Variants in GPC6 observed in about 807,000 individuals in gnomAD.
GPC6 encodes the protein glypican 6.
GPC6 carries 14 observed loss-of-function variants against 55.2 expected under a neutral mutation model. That is an observed-to-expected ratio of 0.25 (90% CI 0.17 to 0.40). The LOEUF is 0.40. GPC6 is among the 10% of genes least tolerant of loss of function. The pLI, the probability that GPC6 is intolerant of heterozygous loss-of-function variation, is 1.00. For synonymous variants in GPC6, 278 were observed against 259.6 expected, an observed-to-expected ratio of 1.07 and a Z score of -0.68; for missense variants, 641 against 708.5, an observed-to-expected ratio of 0.90 and a Z score of 1.08.
intron 2 of GPC6, among the ~76,000 whole-genome samples, chr13:93,702,435 C>T (rs966695603): frequency 6.6e-6 from 1 of 151,688 alleles, no homozygotes; most frequent in Non-Finnish European, 1.5e-5. Context: ...TCTTAAGGGC[C>T]CTAGGATTTT....
chr13:93,458,862 G>A (rs1327469625), intron 1 of GPC6, among the ~76,000 whole-genome samples: 1 of 151,968 alleles, frequency 6.6e-6, no homozygotes, highest in Non-Finnish European at 1.5e-5. Context: ...TGTTGCACAG[G>A]GCGCATGATT....
intron 2 of GPC6, among the ~76,000 whole-genome samples, chr13:93,574,874 C>A (rs1876582804): frequency 6.6e-6 from 1 of 152,148 alleles, no homozygotes; most frequent in Admixed American, 6.6e-5. Context: ...TTTAGAGGTT[C>A]ATCCATATCA....
intron 1 of GPC6, among the ~76,000 whole-genome samples, chr13:93,486,708 A>C (rs550153642): frequency 1.3e-3 from 198 of 152,260 alleles, no homozygotes; most frequent in Non-Finnish European, 2.3e-3. Context: ...GCACTTTGGG[A>C]GGCCAAGGCA....
intron 1 of GPC6, chr13:93,450,688 C>T: frequency 1.1e-6 from 1 of 948,640 alleles, no homozygotes; most frequent in Non-Finnish European, 1.3e-6. Context: ...GTAGAAGCTG[C>T]TAGGAGCTCC....
chr13:93,453,617 G>C (rs1274736772), intron 1 of GPC6, among the ~76,000 whole-genome samples: 1 of 144,920 alleles, frequency 6.9e-6, no homozygotes, highest in Admixed American at 6.9e-5. Flanking sequence ...TGTGTTCGGA[G>C]TTTCTTCCTT....
chr13:94,099,678 A>T (rs1399824025), intron 4 of GPC6, among the ~76,000 whole-genome samples: 1 of 151,980 alleles, frequency 6.6e-6, no homozygotes. Context: ...ATCTTTTTTT[A>T]TTGGAAGGCT....
At chr13:93,517,669 A>G (rs921066241) in intron 1 of GPC6, among the ~76,000 whole-genome samples, 3 of 152,036 alleles carry the variant, frequency 2.0e-5, no homozygotes, top group African/African-American at 7.2e-5. Flanking sequence ...AACATCACTT[A>G]AAAATGACCA....
chr13:93,518,319 A>G (rs1284050913), intron 1 of GPC6, among the ~76,000 whole-genome samples: 1 of 151,792 alleles, frequency 6.6e-6, no homozygotes, highest in African/African-American at 2.4e-5. Flanking sequence ...ATGTAAACCT[A>G]TAAGTGTGCC....
intron 3 of GPC6, among the ~76,000 whole-genome samples, chr13:93,865,239 T>G (rs1888926160): frequency 6.6e-6 from 1 of 151,672 alleles, no homozygotes; most frequent in South Asian, 2.1e-4. Context: ...ATGGGTCACT[T>G]CAAGTTCAAT....
At chr13:93,850,422 T>G in intron 3 of GPC6, among the ~76,000 whole-genome samples, 1 of 151,962 alleles carries the variant, frequency 6.6e-6, no homozygotes, top group Middle Eastern at 3.2e-3. Context: ...GGGGACCCTT[T>G]GACCTTAGAC....
intron 1 of GPC6, among the ~76,000 whole-genome samples, chr13:93,354,558 G>A (rs1335778837): frequency 1.4e-5 from 2 of 147,574 alleles, no homozygotes; most frequent in Admixed American, 1.4e-4. Flanking sequence ...TAGAGACTGG[G>A]TTTCACCTTG....
Position 94,262,259 on chromosome 13 carries a change from G to T in GPC6, c.878-24090G>T, listed in dbSNP as rs77636066. On this transcript the variant is annotated intron_variant, in intron 4 of 8. Coordinates refer to ENST00000377047, the MANE Select transcript of GPC6 (RefSeq NM_005708.5). ...GAGGTCCAGAGGCAAGAGTGAGTTG[G>T]GCAGCGGGTCTACACTGATGCCAGG... 6.2e-3 allele frequency among the ~76,000 whole-genome samples: 938 copies of T among 152,228 alleles called. 5 individuals are homozygous for T. Among genetic ancestry groups the T allele is most frequent in the Non-Finnish European group, 9.1e-3 (616 of 68,012 alleles).
intron 4 of GPC6, among the ~76,000 whole-genome samples, chr13:94,118,992 ATGTATGTGTG>A (rs1346512390): frequency 3.7e-3 from 140 of 37,926 alleles, no homozygotes; most frequent in African/African-American, 0.011. Flanking sequence ...TATATACATT[ATGTATGTGTG>A]TGTGTGTGTG....
chr13:93,568,385 G>C (rs1439118280), intron 2 of GPC6, among the ~76,000 whole-genome samples: 3 of 152,164 alleles, frequency 2.0e-5, no homozygotes, highest in African/African-American at 7.2e-5. Context: ...CAGAGTACAT[G>C]CCCAACATGA....
chr13:94,167,681 A>T (rs1178947480), intron 4 of GPC6, among the ~76,000 whole-genome samples: 7 of 152,184 alleles, frequency 4.6e-5, no homozygotes, highest in Non-Finnish European at 1.0e-4. Context: ...CAGCACGTGC[A>T]ATCATGGAAA....
chr13:94,286,253 T>C, intron 4 of GPC6, 96 bp from the exon 5 acceptor site: 4 of 1,306,448 alleles, frequency 3.1e-6, no homozygotes, highest in Middle Eastern at 1.9e-4. Context: ...GAATGCACCA[T>C]TATTTTTCAT....
chr13:93,522,931 G>A (rs566730211), intron 1 of GPC6, among the ~76,000 whole-genome samples: 2 of 151,602 alleles, frequency 1.3e-5, no homozygotes, highest in South Asian at 4.2e-4. Context: ...GGAGGGAAGA[G>A]GAAGGAAAAA....
At chr13:93,488,043 A>T (rs1434254268) in intron 1 of GPC6, among the ~76,000 whole-genome samples, 1 of 152,220 alleles carries the variant, frequency 6.6e-6, no homozygotes, top group African/African-American at 2.4e-5. Context: ...ATATGTATAC[A>T]TGTGCCAAGT....
At chr13:93,513,632 A>G (rs996877619) in intron 1 of GPC6, among the ~76,000 whole-genome samples, 1 of 152,230 alleles carries the variant, frequency 6.6e-6, no homozygotes, top group Admixed American at 6.5e-5. Context: ...CAATTACTCA[A>G]TAACTCCTCC....
Sources: allele counts gnomAD v4.1 joint callset (sites outside exome capture counted in the v4.1 genomes callset), GRCh38; gene constraint gnomAD v4.1.1; transcripts MANE v1.5; gene names NCBI Gene and HGNC (gene_info 2026-07-23, HGNC 2026-07-21).